The following COQ8B variants were observed in gnomAD, a reference collection of about 807,000 sequenced individuals.
The protein encoded by COQ8B is atypical kinase COQ8B, mitochondrial.
Under a neutral mutation model 62.0 loss-of-function variants are expected in COQ8B, and 44 were observed. The ratio of observed to expected loss-of-function variants is 0.71; its 90% CI spans 0.56 to 0.91. The LOEUF (loss-of-function observed/expected upper bound fraction) is 0.91, where lower values mean the gene tolerates loss of function less well. COQ8B is among the 40% of genes least tolerant of loss of function. The pLI, the probability that COQ8B is intolerant of heterozygous loss-of-function variation, is 0.00. For missense variants in COQ8B, 649 were observed against 731.6 expected (o/e 0.89, Z 1.30); for synonymous variants, 252 against 289.9 (o/e 0.87, Z 1.33).
chr19:40,711,017 G>C (rs1368009683), intron 4 of COQ8B, among the ~76,000 whole-genome samples: 2 of 151,626 alleles, frequency 1.3e-5, no homozygotes, highest in Non-Finnish European at 2.9e-5. Flanking sequence ...TGTAATCCCA[G>C]CTACTCAAGA....
chr19:40,694,838 G>A (rs1042089662), intron 13 of COQ8B, among the ~76,000 whole-genome samples: 2 of 152,150 alleles, frequency 1.3e-5, no homozygotes, highest in African/African-American at 2.4e-5. Flanking sequence ...CCCCAGGCTG[G>A]CTCAGGCTCC....
chr19:40,713,954 TTTTTTGTCTCTCTC>T, intron 4 of COQ8B, 99 bp downstream of exon 4: 1 of 1,187,548 alleles, frequency 8.4e-7, no homozygotes, highest in Non-Finnish European at 1.2e-6. Context: ...TTGTCTCTCT[TTTTTTGTCTCTCTC>T]TCTTTCCTGT....
At chr19:40,693,619 C>T (rs1169134855) in intron 13 of COQ8B, among the ~76,000 whole-genome samples, 1 of 152,090 alleles carries the variant, frequency 6.6e-6, no homozygotes, top group Non-Finnish European at 1.5e-5. Flanking sequence ...GGCCAGCTGG[C>T]TAGGGTTCCG....
intron 12 of COQ8B, among the ~76,000 whole-genome samples, chr19:40,697,866 A>AAAGAGAGAGG (rs1183896909): frequency 3.3e-5 from 4 of 122,332 alleles, no homozygotes; most frequent in African/African-American, 1.4e-4. Flanking sequence ...AGAGAGAGAG[A>AAAGAGAGAGG]GAGAGAGAGA....
chr19:40,701,991 G>A (rs147228411), intron 10 of COQ8B, among the ~76,000 whole-genome samples: 5 of 152,260 alleles, frequency 3.3e-5, no homozygotes, highest in Non-Finnish European at 5.9e-5. Flanking sequence ...TGAATATACC[G>A]TTGCTTATTT....
At chr19:40,693,088 C>T (rs1399041935) in intron 13 of COQ8B, 51 bp from the exon 14 acceptor site, 2 of 1,531,188 alleles carry the variant, frequency 1.3e-6, no homozygotes, top group African/African-American at 1.4e-5. Context: ...CTCAAGGGGG[C>T]TCTGGAGAAG....
chr19:40,702,627 C>G lies in COQ8B; in HGVS notation c.866G>C (p.Arg289Pro), dbSNP rs753935943. 11 of 1,612,586 alleles carry G rather than the reference C, an allele frequency of 6.8e-6. No individual in the cohort carries two copies. Among genetic ancestry groups the G allele is most frequent in the African/African-American group, 2.7e-5 (2 of 74,906 alleles). The change falls in exon 10 of 15, where the codon CGT (arginine) becomes CCT (proline). Residue 289 changes from arginine to proline, a missense_variant. By Grantham distance (103) the Arg-to-Pro change is moderately radical (BLOSUM62 -2). Coordinates refer to ENST00000324464, the MANE Select transcript of COQ8B (RefSeq NM_024876.4). ...QELAWECDYR[R>P]EAACAQNFRQ... is the part of the protein sequence containing the mutation. ...GAAATTCTGGGCACAAGCCGCCTCA[C>G]GACGGTAGTCACACTCCCAAGCCAG...
intron 9 of COQ8B, chr19:40,703,320 C>G: frequency 1.8e-6 from 1 of 543,502 alleles, no homozygotes; most frequent in Non-Finnish European, 3.2e-6. Context: ...TGGCCCTGGG[C>G]TCCCGTCTCT....
chr19:40,715,133 G>A (rs938521345), intron 1 of COQ8B: 3 of 986,308 alleles, frequency 3.0e-6, no homozygotes, highest in African/African-American at 3.5e-5. Flanking sequence ...CGCCCCCTTC[G>A]GCCAGCCAAC....
intron 2 of COQ8B, 66 bp downstream of exon 2, chr19:40,714,465 G>C: frequency 6.2e-7 from 1 of 1,613,392 alleles, no homozygotes; most frequent in Non-Finnish European, 8.5e-7. Flanking sequence ...GACCCCTCCT[G>C]TCCTTTTACC....
At chr19:40,703,387 C>T (rs2082076176) in intron 9 of COQ8B, 154 bp downstream of exon 9, 2 of 751,590 alleles carry the variant, frequency 2.7e-6, no homozygotes, top group South Asian at 1.9e-5. Flanking sequence ...GCTCCCTGGG[C>T]TCTCCCCGCC....
At chr19:40,716,459 C>G (rs1369815375) in intron 1 of COQ8B, 128 bp downstream of exon 1, 1 of 152,254 alleles carries the variant, frequency 6.6e-6, no homozygotes, top group Non-Finnish European at 1.5e-5. Flanking sequence ...CGGCAGATCT[C>G]TGAGCCTCTG....
At chr19:40,711,461 T>C (rs142381471) in intron 4 of COQ8B, among the ~76,000 whole-genome samples, 1 of 152,298 alleles carries the variant, frequency 6.6e-6, no homozygotes, top group East Asian at 1.9e-4. Flanking sequence ...AGAACTCACG[T>C]GATCCTCCTG....
At chr19:40,698,844 T>C (rs918734086) in intron 12 of COQ8B, among the ~76,000 whole-genome samples, 3 of 152,108 alleles carry the variant, frequency 2.0e-5, no homozygotes, top group African/African-American at 7.2e-5. Context: ...TGGAAAACAG[T>C]TGGCAACCCC....
chr19:40,707,126 G>A (rs1261594028), intron 5 of COQ8B, among the ~76,000 whole-genome samples: 4 of 151,922 alleles, frequency 2.6e-5, no homozygotes, highest in African/African-American at 7.3e-5. Context: ...AAAATTAGCT[G>A]GGCATGGTGG....
At position 40,692,087 on chromosome 19, in the gene COQ8B, G is replaced by T; in HGVS notation, c.1583C>A (p.Ala528Asp). 1 of 1,608,596 alleles carries T rather than the reference G, an allele frequency of 6.2e-7. No individual in the cohort carries two copies. The highest frequency in any genetic ancestry group is 8.5e-7 in the Non-Finnish European group (1 of 1,177,748). The change falls in exon 15 of 15, where the codon GCC becomes GAC. Residue 528 changes from alanine (A) to aspartate (D), a missense_variant. By Grantham distance (126) the Ala-to-Asp change is moderately radical (BLOSUM62 -2). Coordinates refer to ENST00000324464, the MANE Select transcript of COQ8B (RefSeq NM_024876.4). ...RYWASRQPDA[A>D]TAGSLPTKGD... is the part of the protein sequence containing the mutation. ...TTTGGTGGGGAGGCTGCCGGCAGTG[G>T]CTGCGTCTGGCTGGCGACTGGCCCA...
At chr19:40,697,849 T>TAGAGAGAGAGAGAGAGAGAGAGAG (rs1224275474) in intron 12 of COQ8B, among the ~76,000 whole-genome samples, 6 of 60,706 alleles carry the variant, frequency 9.9e-5, no homozygotes, top group African/African-American at 2.4e-4. Context: ...TATATATATA[T>TAGAGAGAGAGAGAGAGAGAGAGAG]ATAGAGAGAG....
At chr19:40,709,103 T>A (rs189758712) in intron 5 of COQ8B, among the ~76,000 whole-genome samples, 1 of 152,342 alleles carries the variant, frequency 6.6e-6, no homozygotes, top group East Asian at 1.9e-4. Context: ...GCTGACCCAC[T>A]TGCATGTAGT....
At chr19:40,703,183 C>T (rs1050893021) in intron 9 of COQ8B, among the ~76,000 whole-genome samples, 2 of 152,134 alleles carry the variant, frequency 1.3e-5, no homozygotes, top group African/African-American at 4.8e-5. Context: ...CTTACACAAA[C>T]ACAACCCACC....
Sources: gnomAD v4.1 joint callset for allele counts (sites outside exome capture counted in the v4.1 genomes callset) on GRCh38, gnomAD v4.1.1 for gene constraint, MANE v1.5 for transcripts, NCBI Gene and HGNC (gene_info 2026-07-23, HGNC 2026-07-21) for gene names.